SKA3: variants seen among roughly 807,000 people sequenced by gnomAD.
SKA3 encodes the protein spindle and kinetochore associated complex subunit 3, also known as spindle and kinetochore-associated protein 3.
Under a neutral mutation model 44.2 loss-of-function variants are expected in SKA3, and 39 were observed. The ratio of observed to expected loss-of-function variants is 0.88; its 90% CI spans 0.68 to 1.15. The LOEUF (loss-of-function observed/expected upper bound fraction) is 1.15, where lower values mean the gene tolerates loss of function less well. SKA3 is among the 50% of genes most tolerant of loss of function. The pLI, the probability that SKA3 is intolerant of heterozygous loss-of-function variation, is 0.00. For synonymous variants in SKA3, 192 were observed against 172.0 expected (o/e 1.12, Z -0.91); for missense variants, 511 against 485.8 (o/e 1.05, Z -0.49).
At chr13:21,167,800 A>G (rs559004678) in intron 4 of SKA3, among the ~76,000 whole-genome samples, 188 bp downstream of exon 4, 1 of 151,786 alleles carries the variant, frequency 6.6e-6, no homozygotes, top group Non-Finnish European at 1.5e-5. Context: ...ACCAAAAAAA[A>G]ACTTATTGAT....
At chr13:21,171,809 G>A (rs1394722001) in intron 3 of SKA3, among the ~76,000 whole-genome samples, 1 of 152,120 alleles carries the variant, frequency 6.6e-6, no homozygotes, top group Non-Finnish European at 1.5e-5. Flanking sequence ...ATTAAGTGGT[G>A]GAATACGGAT....
In SKA3 at chr13:21,159,982, C is replaced by A; in HGVS notation, c.835G>T (p.Glu279Ter). 6.3e-7 allele frequency: 1 copy of A among 1,599,726 alleles called. No individual in the cohort carries two copies. Among genetic ancestry groups the A allele is most frequent in the Non-Finnish European group, 8.5e-7 (1 of 1,174,486 alleles). The change falls in exon 6 of 9, where the codon GAA becomes TAA. Residue 279 changes from glutamate (E) to a stop codon, truncating the protein, a stop_gained. Coordinates refer to ENST00000314759, the MANE Select transcript of SKA3 (RefSeq NM_145061.6). LOFTEE classifies it high-confidence loss of function. ...GGTACCAAAGGAGAGTTGGTATATT[C>A]GGCATCTAAAAGACACATAAAATGG... Reference protein sequence around the residue: ...IIQQLEKSDAEYTNSPLVPTF... With the variant: ...IIQQLEKSDA
intron 1 of SKA3, 32 bp downstream of exon 1, chr13:21,176,343 C>T (rs2137391256): frequency 2.6e-6 from 4 of 1,528,536 alleles, no homozygotes; most frequent in Middle Eastern, 2.1e-4. Context: ...GCGCACCCCA[C>T]GCACCGTGCC....
intron 4 of SKA3, 90 bp from the exon 5 acceptor site, chr13:21,161,965 G>T: frequency 2.9e-6 from 2 of 697,420 alleles, no homozygotes; most frequent in South Asian, 5.5e-5. Context: ...TATCAAGTTT[G>T]GACAAACATT....
Position 21,158,731 on chromosome 13 carries a change from G to C in SKA3, c.916-606C>G, listed in dbSNP as rs369543224. On this transcript the variant is annotated intron_variant, in intron 6 of 8. Coordinates refer to ENST00000314759, the MANE Select transcript of SKA3 (RefSeq NM_145061.6). The stretch of plus-strand genomic sequence containing the variant: ...CACCCCATCTCAGGCAACAGTGAGT[G>C]TAGTCAGACGAAAATCACAGCATGA... 4.6e-5 allele frequency among the ~76,000 whole-genome samples: 7 copies of C among 152,220 alleles called. No homozygotes were observed. In the East Asian group the frequency reaches 1.3e-3, roughly 29 times the overall value.
intron 3 of SKA3, among the ~76,000 whole-genome samples, chr13:21,172,030 G>A (rs1318520802): frequency 6.6e-6 from 1 of 152,204 alleles, no homozygotes; most frequent in African/African-American, 2.4e-5. Flanking sequence ...CCTATCCCAA[G>A]TTTTGAAGAT....
In SKA3 at chr13:21,155,771, G is replaced by A. The variant is rs1870080210; in HGVS notation, c.1160C>T (p.Ala387Val). 6.2e-7 allele frequency: 1 copy of A among 1,606,406 alleles called. No homozygotes were observed. The highest frequency in any genetic ancestry group is 8.5e-7 in the Non-Finnish European group (1 of 1,175,024). Reference sequence around the variant, plus strand: ...TTTACTGGGTGGCACTGCTTTAATTGCTATTGGAGTAGCTAGGTTTGAGTT... The same window carrying A: ...TTTACTGGGTGGCACTGCTTTAATTACTATTGGAGTAGCTAGGTTTGAGTT... The part of the protein sequence containing the change: ...KYNSNLATPI[A>V]IKAVPPSKRF... Residue 387 changes from alanine (A) to valine (V), a missense_variant, in exon 8 of 9, where the codon GCA becomes GTA. Coordinates refer to ENST00000314759, the MANE Select transcript of SKA3 (RefSeq NM_145061.6).
At position 21,168,181 on chromosome 13, in the gene SKA3, C is replaced by T. The variant is rs1306946342; in HGVS notation, c.550G>A (p.Glu184Lys). Residue 184 changes from glutamate (E) to lysine (K), a missense_variant, in exon 4 of 9, where the codon GAA becomes AAA. By Grantham distance (56) the Glu-to-Lys change is moderately conservative (BLOSUM62 1). Transcript: ENST00000314759. ...GGTGGGGTTACAATTACGGGCTCTTCCTTATAGTTGTTCACTGCCTGTGGA... is the reference window on the plus strand; with the variant it reads ...GGTGGGGTTACAATTACGGGCTCTTTCTTATAGTTGTTCACTGCCTGTGGA... ...NPPQAVNNYK[E>K]EPVIVTPPTK... is the part of the protein sequence containing the mutation. The T allele has an allele frequency of 6.2e-7, 1 of 1,614,104 alleles. No individual in the cohort carries two copies. Among genetic ancestry groups the T allele is most frequent in the Non-Finnish European group, 8.5e-7 (1 of 1,179,986 alleles).
At chr13:21,158,184 A>T in intron 6 of SKA3, 59 bp from the exon 7 acceptor site, 1 of 1,150,786 alleles carries the variant, frequency 8.7e-7, no homozygotes, top group Non-Finnish European at 1.3e-6. Flanking sequence ...AGTAAATAAA[A>T]ATAGTTAATC....
intron 7 of SKA3, among the ~76,000 whole-genome samples, chr13:21,156,594 C>CA (rs1439212230): frequency 6.6e-6 from 1 of 152,110 alleles, no homozygotes; most frequent in Non-Finnish European, 1.5e-5. Flanking sequence ...CTTCTTCATG[C>CA]AATTTATTAT....
chr13:21,175,626 A>T (rs1871457012), intron 1 of SKA3, among the ~76,000 whole-genome samples: 1 of 152,244 alleles, frequency 6.6e-6, no homozygotes, highest in Non-Finnish European at 1.5e-5. Context: ...TAATTAAAGT[A>T]AAAGTAGTCT....
At chr13:21,171,062 T>G (rs7981542) in intron 3 of SKA3, among the ~76,000 whole-genome samples, 150,719 of 152,180 alleles carry the variant, frequency 0.99, 74,657 homozygotes, top group East Asian at 1. Flanking sequence ...TGAATAGCTG[T>G]GACTCCAAGT....
Position 21,172,504 on chromosome 13 carries a change from C to T in SKA3, c.166G>A (p.Asp56Asn), listed in dbSNP as rs1595306585. Reference sequence around the variant, plus strand: ...TTATCAAGAAGAATATTAACATCATCCTTTTATGAATAAAGAAAGTACATT... The same window carrying T: ...TTATCAAGAAGAATATTAACATCATTCTTTTATGAATAAAGAAAGTACATT... The part of the protein sequence containing the change: ...DLHSEVQTLK[D>N]DVNILLDKAR... Residue 56 changes from aspartate to asparagine, a missense_variant and splice_region_variant, in exon 3 of 9, where the codon GAT (aspartate) becomes AAT (asparagine). Physicochemically the swap from Asp to Asn is conservative, Grantham distance 23 (BLOSUM62 1). Coordinates refer to ENST00000314759, the MANE Select transcript of SKA3 (RefSeq NM_145061.6). The T allele has an allele frequency of 1.3e-6, 2 of 1,561,344 alleles. No homozygotes were observed.
chr13:21,155,082 A>C lies in SKA3; in HGVS notation c.*68T>G, dbSNP rs764072610. On this transcript the variant is annotated 3_prime_UTR_variant, in exon 9 of 9. Coordinates refer to ENST00000314759, the MANE Select transcript of SKA3 (RefSeq NM_145061.6). ...ACAGAGGCAGGGCAATGTGAATGTT[A>C]AAATCGGTCCAGCTCGGCTTTCATC... is the stretch of plus-strand genomic sequence containing the variant. 1.2e-5 allele frequency: 19 copies of C among 1,605,272 alleles called. No individual in the cohort carries two copies. The highest frequency in any genetic ancestry group is 1.5e-5 in the Non-Finnish European group (18 of 1,174,754).
At chr13:21,155,643 G>A (rs1397418757) in intron 8 of SKA3, 50 bp downstream of exon 8, 1 of 918,062 alleles carries the variant, frequency 1.1e-6, no homozygotes, top group Non-Finnish European at 1.6e-6. Flanking sequence ...ATTTTTAAAT[G>A]TCCTCCTCAA....
In SKA3 at chr13:21,158,128, A is replaced by G. The variant is rs1595296926; in HGVS notation, c.916-3T>C. ...GATAATGGGTAATTTGTGGATACCT[A>G]TTGAATAAAAATAGACCATTAAATT... is the stretch of plus-strand genomic sequence containing the variant. On this transcript the variant is annotated splice_polypyrimidine_tract_variant and splice_region_variant and intron_variant, in intron 6 of 8. Transcript: ENST00000314759. 6.5e-7 allele frequency: 1 copy of G among 1,543,962 alleles called. No homozygotes were observed.
Position 21,168,548 on chromosome 13 carries a change from A to G in SKA3, c.332-149T>C, listed in dbSNP as rs984251270. 43 of 765,782 alleles carry G rather than the reference A, an allele frequency of 5.6e-5. No homozygotes were observed. The East Asian group carries it at 1.1e-3, about 19-fold the overall frequency. 47.4% of individuals were successfully genotyped at this position (765,782 alleles called of 1,614,324 possible). On this transcript the variant is annotated intron_variant, in intron 3 of 8. Transcript: ENST00000314759. ...TTTTATTTATTTAGTATTTATTGAG[A>G]CAGGGTCTCGCTCTGCCACCCAGGC...
chr13:21,175,927 G>A (rs1365809952), intron 1 of SKA3, among the ~76,000 whole-genome samples: 1 of 152,168 alleles, frequency 6.6e-6, no homozygotes, highest in African/African-American at 2.4e-5. Flanking sequence ...ACGTTAAATA[G>A]CTTGATTCTA....
intron 4 of SKA3, among the ~76,000 whole-genome samples, chr13:21,164,769 G>T (rs946726195): frequency 6.6e-6 from 1 of 151,554 alleles, no homozygotes; most frequent in African/African-American, 2.4e-5. Context: ...TTTTAGAGGC[G>T]GGATCTAGCT....
Sources: gnomAD v4.1 joint callset for allele counts (sites outside exome capture counted in the v4.1 genomes callset) on GRCh38, gnomAD v4.1.1 for gene constraint, MANE v1.5 for transcripts, NCBI Gene and HGNC (gene_info 2026-07-23, HGNC 2026-07-21) for gene names.